SPATA13: variants seen among roughly 807,000 people sequenced by gnomAD.
SPATA13 encodes the protein spermatogenesis associated 13.
SPATA13 carries 50 observed loss-of-function variants against 104.0 expected under a neutral mutation model. That is an observed-to-expected ratio of 0.48 (90% confidence interval 0.38 to 0.61). The LOEUF is 0.61. Among genes scored for constraint, SPATA13 ranks in the 20% least tolerant of loss-of-function variants. The pLI, the probability that SPATA13 is intolerant of heterozygous loss-of-function variation, is 0.00. For synonymous variants in SPATA13, 606 were observed against 667.5 expected, an observed-to-expected ratio of 0.91 and a Z score of 1.42; for missense variants, 1,524 against 1,690.6, an observed-to-expected ratio of 0.90 and a Z score of 1.73.
intron 2 of SPATA13, among the ~76,000 whole-genome samples, chr13:23,999,490 T>G (rs1286213126): frequency 2.0e-5 from 3 of 151,720 alleles, no homozygotes; most frequent in Admixed American, 2.0e-4. Flanking sequence ...TCATACAGTC[T>G]ATCTCTCATT....
chr13:24,021,560 C>T (rs778029182), intron 3 of SPATA13, among the ~76,000 whole-genome samples: 2 of 152,184 alleles, frequency 1.3e-5, no homozygotes, highest in Non-Finnish European at 2.9e-5. Flanking sequence ...GCATTGTACT[C>T]AAACATAAAT....
intron 3 of SPATA13, among the ~76,000 whole-genome samples, chr13:24,046,451 A>T (rs1188608218): frequency 6.6e-6 from 1 of 151,318 alleles, no homozygotes; most frequent in Non-Finnish European, 1.5e-5. Context: ...CAACCAGCTA[A>T]TGTTTAAATT....
At chr13:24,090,836 CT>C (rs1465939492) in intron 3 of SPATA13, among the ~76,000 whole-genome samples, 4 of 152,196 alleles carry the variant, frequency 2.6e-5, no homozygotes. Context: ...TGGAACTAAA[CT>C]TTCCTGTTTC....
chr13:24,106,985 T>C (rs1432803281), intron 3 of SPATA13, among the ~76,000 whole-genome samples: 1 of 151,872 alleles, frequency 6.6e-6, no homozygotes, highest in East Asian at 1.9e-4. Context: ...TTCTAGTGCA[T>C]TTGCTCTCTG....
chr13:24,211,365 A>G (rs767973444), intron 1 of SPATA13, among the ~76,000 whole-genome samples: 24 of 152,274 alleles, frequency 1.6e-4, no homozygotes, highest in Middle Eastern at 6.8e-3. Context: ...GGTTTGCACT[A>G]TTGGGTATGA....
chr13:24,268,603 A>G (rs1031835701), intron 4 of SPATA13, among the ~76,000 whole-genome samples: 1 of 151,988 alleles, frequency 6.6e-6, no homozygotes, highest in African/African-American at 2.4e-5. Flanking sequence ...TACTACAAAT[A>G]CAAAAATTAG....
rs1465889701 is a variant in SPATA13, at chr13:24,286,139, A to T, written c.2302-75A>T. 7.2e-6 allele frequency: 10 copies of T among 1,392,670 alleles called. No individual in the cohort carries two copies. In the African/African-American group the frequency reaches 1.1e-4, roughly 16 times the overall value. 86.3% of individuals were successfully genotyped at this position (1,392,670 alleles called of 1,614,324 possible). ...GAGGATACCAGTGTCACCCTGAGAGAGTGCACCTAGTGGCTCCCTCACCAT... is the reference window on the plus strand; with the variant it reads ...GAGGATACCAGTGTCACCCTGAGAGTGTGCACCTAGTGGCTCCCTCACCAT... On this transcript the variant is annotated intron_variant, in intron 5 of 12. Coordinates refer to ENST00000382108, the MANE Select transcript of SPATA13 (RefSeq NM_001166271.3). This position sits in a 1 kb window ranked among gnomAD's most constrained non-coding sequence, Gnocchi z 4.9.
chr13:24,091,949 A>G (rs886221664), intron 3 of SPATA13, among the ~76,000 whole-genome samples: 3 of 152,194 alleles, frequency 2.0e-5, no homozygotes, highest in Admixed American at 1.3e-4. Flanking sequence ...TAAGGCTACC[A>G]TGGAGCTGGA....
At chr13:24,125,526 C>T (rs946102514) in intron 3 of SPATA13, among the ~76,000 whole-genome samples, 1 of 152,132 alleles carries the variant, frequency 6.6e-6, no homozygotes, top group South Asian at 2.1e-4. Flanking sequence ...ACCTAAACCA[C>T]CCCCAGCACA....
chr13:24,250,818 T>C lies in SPATA13; in HGVS notation c.2020-900T>C, dbSNP rs537465731. ...GCTCCGCTGTTGGGAAATGATTCTG[T>C]ACTGAAGCAAATTGTCACGCATTTT... On this transcript the variant is annotated intron_variant, in intron 3 of 12. Transcript: ENST00000382108. Among the ~76,000 whole-genome samples, 27 of 152,358 alleles carry C rather than the reference T, an allele frequency of 1.8e-4. No homozygotes were observed. The South Asian group carries it at 2.7e-3, about 15-fold the overall frequency.
At position 24,303,354 on chromosome 13, in the gene SPATA13, T is replaced by C; in HGVS notation, c.*581T>C. ...CGTCTGTGTCCACACAGATGCTAAC[T>C]GGTAGTGCAAATGTCATCCTGCAAG... On this transcript the variant is annotated 3_prime_UTR_variant, in exon 13 of 13. Coordinates refer to ENST00000382108, the MANE Select transcript of SPATA13 (RefSeq NM_001166271.3). The C allele has an allele frequency of 3.9e-6, 1 of 254,926 alleles. No individual in the cohort carries two copies. The highest frequency in any genetic ancestry group is 3.4e-5 in the South Asian group (1 of 29,084). 15.8% of individuals were successfully genotyped at this position (254,926 alleles called of 1,614,324 possible).
chr13:24,091,883 G>T (rs779962203), intron 3 of SPATA13, among the ~76,000 whole-genome samples: 13 of 152,248 alleles, frequency 8.5e-5, no homozygotes, highest in Admixed American at 3.3e-4. Flanking sequence ...GGAGCTCTAG[G>T]CTTATTCTGC....
At chr13:24,212,638 G>A (rs939812165) in intron 1 of SPATA13, among the ~76,000 whole-genome samples, 1 of 152,224 alleles carries the variant, frequency 6.6e-6, no homozygotes, top group African/African-American at 2.4e-5. Context: ...GTGGGGAGGA[G>A]AGGAGAGGGA....
intron 3 of SPATA13, among the ~76,000 whole-genome samples, chr13:24,056,381 C>T (rs1246478728): frequency 6.6e-6 from 1 of 152,172 alleles, no homozygotes; most frequent in East Asian, 1.9e-4. Flanking sequence ...ATCTGCATTT[C>T]GGCTTTTCAA....
intron 2 of SPATA13, among the ~76,000 whole-genome samples, chr13:24,010,705 C>T (rs1170535434): frequency 6.6e-6 from 1 of 152,058 alleles, no homozygotes; most frequent in Non-Finnish European, 1.5e-5. Context: ...CATGAATCTT[C>T]CTCCCCACTC....
intron 1 of SPATA13, among the ~76,000 whole-genome samples, chr13:23,980,754 G>C (rs1191517335): frequency 4.6e-5 from 7 of 152,038 alleles, no homozygotes; most frequent in Admixed American, 2.6e-4. Flanking sequence ...GCTACACAAG[G>C]CTAATTTTTG....
intron 2 of SPATA13, among the ~76,000 whole-genome samples, chr13:24,237,492 G>T (rs1328277891): frequency 6.6e-6 from 1 of 152,228 alleles, no homozygotes; most frequent in Non-Finnish European, 1.5e-5. Context: ...CCGTAGAGTA[G>T]TCAAATTCAT....
chr13:24,238,307 C>T (rs1872675945), intron 2 of SPATA13, among the ~76,000 whole-genome samples: 1 of 151,924 alleles, frequency 6.6e-6, no homozygotes, highest in Non-Finnish European at 1.5e-5. Context: ...CAAGTGTGCA[C>T]CACCATGCCC....
chr13:24,128,410 G>A (rs1881287471), intron 3 of SPATA13, among the ~76,000 whole-genome samples: 1 of 152,116 alleles, frequency 6.6e-6, no homozygotes, highest in African/African-American at 2.4e-5. Flanking sequence ...AAACCCCAAT[G>A]TACGGTCAGA....
Sources: allele counts gnomAD v4.1 joint callset (sites outside exome capture counted in the v4.1 genomes callset), GRCh38; gene constraint gnomAD v4.1.1; non-coding constraint Gnocchi (gnomAD v3.1); transcripts MANE v1.5; gene names NCBI Gene and HGNC (gene_info 2026-07-23, HGNC 2026-07-21).